The following STK3 variants were observed in gnomAD, a reference collection of about 807,000 sequenced individuals.
The protein encoded by STK3 is serine/threonine-protein kinase 3.
STK3 carries 41 observed loss-of-function variants against 58.0 expected under a neutral mutation model. That is an observed-to-expected ratio of 0.71 (90% CI 0.55 to 0.92). The LOEUF (loss-of-function observed/expected upper bound fraction) is 0.92, where lower values mean the gene tolerates loss of function less well. STK3 is among the 40% of genes least tolerant of loss of function. The pLI is 0.00. For missense variants in STK3, 479 were observed against 602.7 expected, an observed-to-expected ratio of 0.79 and a Z score of 2.15; for synonymous variants, 170 against 191.0, an observed-to-expected ratio of 0.89 and a Z score of 0.91.
chr8:98,609,756 C>A (rs991221556), intron 6 of STK3, among the ~76,000 whole-genome samples: 1 of 151,896 alleles, frequency 6.6e-6, no homozygotes, highest in African/African-American at 2.4e-5. Context: ...GTCAGGAGAT[C>A]GAGACCATCC....
intron 2 of STK3, among the ~76,000 whole-genome samples, chr8:98,373,114 G>A (rs1486321414): frequency 2.0e-5 from 3 of 152,152 alleles, no homozygotes; most frequent in African/African-American, 4.8e-5. Context: ...AGCCTATATT[G>A]TGATTATTTG....
the STK3 span, among the ~76,000 whole-genome samples, chr8:98,362,536 G>C: frequency 6.6e-6 from 1 of 152,140 alleles, no homozygotes; most frequent in Non-Finnish European, 1.5e-5. Context: ...GCGATACTGT[G>C]GGGGGACACT....
At chr8:98,490,879 G>A (rs1306554638) in intron 10 of STK3, among the ~76,000 whole-genome samples, 1 of 152,140 alleles carries the variant, frequency 6.6e-6, no homozygotes, top group Admixed American at 6.6e-5. Flanking sequence ...CGGAGATTCT[G>A]TTTCAGAGTC....
At chr8:98,502,587 T>C (rs1432342859) in intron 10 of STK3, among the ~76,000 whole-genome samples, 1 of 152,214 alleles carries the variant, frequency 6.6e-6, no homozygotes, top group Admixed American at 6.5e-5. Flanking sequence ...CATCAATACC[T>C]AGTTTATTGA....
intron 4 of STK3, among the ~76,000 whole-genome samples, chr8:98,746,584 G>T (rs1033620667): frequency 6.6e-6 from 1 of 152,074 alleles, no homozygotes; most frequent in Non-Finnish European, 1.5e-5. Flanking sequence ...CTGCACTACA[G>T]CCTGAGTGAC....
At chr8:98,683,455 T>C (rs1300069624) in intron 6 of STK3, among the ~76,000 whole-genome samples, 1 of 152,018 alleles carries the variant, frequency 6.6e-6, no homozygotes, top group Non-Finnish European at 1.5e-5. Flanking sequence ...TAAGCACATA[T>C]TCAACAAAAA....
At chr8:98,739,026 G>A (rs1186142092) in intron 4 of STK3, among the ~76,000 whole-genome samples, 1 of 152,246 alleles carries the variant, frequency 6.6e-6, no homozygotes, top group Admixed American at 6.5e-5. Flanking sequence ...CAAGGCAGCG[G>A]CGAGGCTGGG....
intron 10 of STK3, among the ~76,000 whole-genome samples, chr8:98,494,649 T>C (rs2131335801): frequency 9.6e-6 from 1 of 103,706 alleles, no homozygotes; most frequent in African/African-American, 3.9e-5. Flanking sequence ...AGTGAGACCC[T>C]GTCTCAAAAA....
Position 98,523,366 on chromosome 8 carries a change from T to C in STK3, c.1317+3376A>G, listed in dbSNP as rs571509566. On this transcript the variant is annotated intron_variant, in intron 10 of 10. Coordinates refer to ENST00000419617, the MANE Select transcript of STK3 (RefSeq NM_006281.4). Reference sequence around the variant, plus strand: ...TTCTTTGGAGGAATATCTATTTAAGTCCTTTGCCCTTTTTTTTTTTTTTTT... The same window carrying C: ...TTCTTTGGAGGAATATCTATTTAAGCCCTTTGCCCTTTTTTTTTTTTTTTT... Among the ~76,000 whole-genome samples the C allele has an allele frequency of 9.9e-5, 15 of 151,558 alleles. No homozygotes were observed. In the East Asian group the frequency reaches 2.9e-3, roughly 29 times the overall value.
chr8:98,713,115 T>G (rs995295040), intron 4 of STK3, among the ~76,000 whole-genome samples: 5 of 152,072 alleles, frequency 3.3e-5, no homozygotes, highest in African/African-American at 9.7e-5. Context: ...TACCAGAATC[T>G]CCGGGACACA....
intron 4 of STK3, among the ~76,000 whole-genome samples, chr8:98,742,173 T>G (rs1214779248): frequency 6.6e-6 from 1 of 151,812 alleles, no homozygotes; most frequent in Non-Finnish European, 1.5e-5. Flanking sequence ...CTGGTACCAT[T>G]CCTTCTGAAA....
chr8:98,824,698 T>A (rs1467398569), intron 1 of STK3, among the ~76,000 whole-genome samples: 1 of 152,224 alleles, frequency 6.6e-6, no homozygotes, highest in Admixed American at 6.5e-5. Context: ...AGTTCCTAAC[T>A]TTTCAATTAT....
intron 10 of STK3, among the ~76,000 whole-genome samples, chr8:98,498,448 G>A (rs1015606985): frequency 2.0e-5 from 3 of 152,072 alleles, no homozygotes; most frequent in Non-Finnish European, 4.4e-5. Context: ...TCCCACTGTG[G>A]TAGATCCTAA....
At chr8:98,640,783 T>C (rs534952447) in intron 6 of STK3, among the ~76,000 whole-genome samples, 106 of 151,760 alleles carry the variant, frequency 7.0e-4, no homozygotes, top group Non-Finnish European at 1.3e-3. Context: ...CATTTTACAA[T>C]TTTTTATTCT....
intron 6 of STK3, among the ~76,000 whole-genome samples, chr8:98,696,991 C>G (rs1266612660): frequency 2.0e-5 from 3 of 152,108 alleles, no homozygotes; most frequent in Admixed American, 6.5e-5. Context: ...TGGTCCTGGA[C>G]TCTTTTTGGT....
At chr8:98,786,329 T>C (rs1036084714) in intron 1 of STK3, among the ~76,000 whole-genome samples, 1 of 152,086 alleles carries the variant, frequency 6.6e-6, no homozygotes, top group Non-Finnish European at 1.5e-5. Context: ...GGAAGACCAT[T>C]TGAGCCAAGT....
chr8:98,905,098 G>C (rs564230498), intron 1 of STK3: 2 of 1,422,378 alleles, frequency 1.4e-6, no homozygotes, highest in Admixed American at 3.4e-5. Flanking sequence ...TCATTACACT[G>C]CTCAGTAAAG....
At chr8:98,586,233 T>C (rs1483272162) in intron 7 of STK3, among the ~76,000 whole-genome samples, 2 of 151,854 alleles carry the variant, frequency 1.3e-5, no homozygotes, top group Non-Finnish European at 2.9e-5. Context: ...GGCTGTGGGT[T>C]TGTCATAGAT....
At chr8:98,806,149 A>C (rs1311976983) in intron 1 of STK3, among the ~76,000 whole-genome samples, 2 of 152,218 alleles carry the variant, frequency 1.3e-5, no homozygotes, top group Admixed American at 1.3e-4. Context: ...GCCTATTTCC[A>C]TTAAATACCT....
Sources: allele counts gnomAD v4.1 joint callset (sites outside exome capture counted in the v4.1 genomes callset), GRCh38; gene constraint gnomAD v4.1.1; transcripts MANE v1.5; gene names NCBI Gene and HGNC (gene_info 2026-07-23, HGNC 2026-07-21).